Variants in GTF2H4 observed in about 807,000 individuals in gnomAD.
GTF2H4 encodes the protein general transcription factor IIH subunit 4.
GTF2H4 carries 49 observed loss-of-function variants against 62.2 expected under a neutral mutation model. The ratio of observed to expected loss-of-function variants is 0.79; its 90% confidence interval spans 0.63 to 1.00. The LOEUF (loss-of-function observed/expected upper bound fraction) is 1.00, where lower values mean the gene tolerates loss of function less well. Ranked by LOEUF, GTF2H4 falls within the 50% of genes least tolerant of loss-of-function variation. The pLI, the probability that GTF2H4 is intolerant of heterozygous loss-of-function variation, is 0.00. For missense variants in GTF2H4, 479 were observed against 587.8 expected, an observed-to-expected ratio of 0.81 and a Z score of 1.91; for synonymous variants, 189 against 233.8, an observed-to-expected ratio of 0.81 and a Z score of 1.75.
Position 30,913,739 on chromosome 6 carries a change from G to C in GTF2H4, c.1217-72G>C. The C allele has an allele frequency of 2.2e-6, 3 of 1,389,476 alleles. No homozygotes were observed. The highest frequency in any genetic ancestry group is 2.9e-6 in the Non-Finnish European group (3 of 1,039,086). 86.1% of individuals were successfully genotyped at this position (1,389,476 alleles called of 1,614,324 possible). A position where few individuals can be genotyped will look rare whatever the true frequency, so the allele number is the denominator to read the frequency against. On this transcript the variant is annotated intron_variant, in intron 13 of 13. Transcript: ENST00000259895. The surrounding 1 kb of genome is among the most constrained non-coding windows in gnomAD (Gnocchi z 4.2). Reference sequence around the variant, plus strand: ...AGGGCTGCCACCAAGGAGCTGGGGGGATTCCCAATAGGAGCTCCGAGCTTC... The same window carrying C: ...AGGGCTGCCACCAAGGAGCTGGGGGCATTCCCAATAGGAGCTCCGAGCTTC...
Position 30,909,806 on chromosome 6 carries a change from A to C in GTF2H4, c.243-126A>C, listed in dbSNP as rs973684400. On this transcript the variant is annotated intron_variant, in intron 3 of 13. Transcript: ENST00000259895. This position sits in a 1 kb window ranked among gnomAD's most constrained non-coding sequence, Gnocchi z 4.3. Reference sequence around the variant, plus strand: ...AGTAAAGAATTTGTCTTAGGAAGATACTAATTTCACTCTGTGGAACAGTGT... The same window carrying C: ...AGTAAAGAATTTGTCTTAGGAAGATCCTAATTTCACTCTGTGGAACAGTGT... 23 of 892,288 alleles carry C rather than the reference A, an allele frequency of 2.6e-5. No homozygotes were observed. The South Asian group carries it at 3.1e-4, about 12-fold the overall frequency. The allele number at this position is 892,288 out of a possible 1,614,324, so 55.3% of individuals were successfully genotyped here. A position where few individuals can be genotyped will look rare whatever the true frequency, so the allele number is the denominator to read the frequency against.
rs1562441269 is a variant in GTF2H4 at position 30,913,250 on chromosome 6, G to A, written c.1138-59G>A. 2 of 1,612,368 alleles carry A rather than the reference G, an allele frequency of 1.2e-6. No individual in the cohort carries two copies. The highest frequency in any genetic ancestry group is 1.1e-5 in the South Asian group (1 of 91,014). On this transcript the variant is annotated intron_variant, in intron 12 of 13. Coordinates refer to ENST00000259895, the MANE Select transcript of GTF2H4 (RefSeq NM_001517.5). This position sits in a 1 kb window ranked among gnomAD's most constrained non-coding sequence, Gnocchi z 4.2. Reference sequence around the variant, plus strand: ...CATCCAAATCTGGGGAAGAAACAGAGGGCCGGGTTGTCTGGGGCAGTATTC... The same window carrying A: ...CATCCAAATCTGGGGAAGAAACAGAAGGCCGGGTTGTCTGGGGCAGTATTC...
In GTF2H4 at chr6:30,912,087, CTG is replaced by C; in HGVS notation, c.902_903del (p.Val301AlafsTer32). On this transcript the variant is annotated frameshift_variant, in exon 10 of 14. Transcript: ENST00000259895. LOFTEE classifies it high-confidence loss of function. This position sits in a 1 kb window ranked among gnomAD's most constrained non-coding sequence, Gnocchi z 4.8. ...TCAGGTGTCTCTGGAGCTGGGGGCA[CTG>C]TGCATCAGCCAGGTTTCATTGTCGT... 1 of 1,612,944 alleles carries C rather than the reference CTG, an allele frequency of 6.2e-7. No individual in the cohort carries two copies. Among genetic ancestry groups the C allele is most frequent in the Non-Finnish European group, 8.5e-7 (1 of 1,180,010 alleles).
Position 30,910,181 on chromosome 6 carries a change from C to T in GTF2H4, c.374+118C>T, listed in dbSNP as rs1240552164. On this transcript the variant is annotated intron_variant, in intron 4 of 13. Transcript: ENST00000259895. This position sits in a 1 kb window ranked among gnomAD's most constrained non-coding sequence, Gnocchi z 4.7. Reference sequence around the variant, plus strand: ...CCTCCCCAGAACCTTGTGGTCTCCACGTTGGGAACTCCTTTAGGAGTAAGT... The same window carrying T: ...CCTCCCCAGAACCTTGTGGTCTCCATGTTGGGAACTCCTTTAGGAGTAAGT... The T allele has an allele frequency of 1.8e-5, 19 of 1,082,566 alleles. No homozygotes were observed. Among genetic ancestry groups the T allele is most frequent in the African/African-American group, 3.2e-5 (2 of 63,418 alleles). 67.1% of individuals were successfully genotyped at this position (1,082,566 alleles called of 1,614,324 possible). A position where few individuals can be genotyped will look rare whatever the true frequency, so the allele number is the denominator to read the frequency against.
At position 30,909,026 on chromosome 6, in the gene GTF2H4, T is replaced by C. The variant is rs1215545025; in HGVS notation, c.-3-8T>C. On this transcript the variant is annotated splice_polypyrimidine_tract_variant and splice_region_variant and intron_variant, in intron 1 of 13. Coordinates refer to ENST00000259895, the MANE Select transcript of GTF2H4 (RefSeq NM_001517.5). This position sits in a 1 kb window ranked among gnomAD's most constrained non-coding sequence, Gnocchi z 4.3. Reference sequence around the variant, plus strand: ...TGAGGTTGCACTTCTGACGTTTGCATTCCTCAGGTGATGGAGAGCACCCCT... The same window carrying C: ...TGAGGTTGCACTTCTGACGTTTGCACTCCTCAGGTGATGGAGAGCACCCCT... 3.1e-6 allele frequency: 5 copies of C among 1,613,982 alleles called. No homozygotes were observed. The highest frequency in any genetic ancestry group is 3.4e-6 in the Non-Finnish European group (4 of 1,179,958).
Position 30,913,953 on chromosome 6 carries a change from C to G in GTF2H4, c.1359C>G (p.Arg453=). 1 of 1,599,918 alleles carries G rather than the reference C, an allele frequency of 6.3e-7. No homozygotes were observed. Among genetic ancestry groups the G allele is most frequent in the Non-Finnish European group, 8.5e-7 (1 of 1,173,408 alleles). ...VTPAGHSDVK[R]FWKRQKHSS ...CGGCCGGGCACAGCGACGTCAAGCGCTTTTGGAAGCGGCAGAAACATAGCT... is the reference window on the plus strand; with the variant it reads ...CGGCCGGGCACAGCGACGTCAAGCGGTTTTGGAAGCGGCAGAAACATAGCT... Residue 453 remains arginine, a synonymous_variant, in exon 14 of 14, where the codon CGC becomes CGG. Coordinates refer to ENST00000259895, the MANE Select transcript of GTF2H4 (RefSeq NM_001517.5). The surrounding 1 kb of genome is among the most constrained non-coding windows in gnomAD (Gnocchi z 4.2).
chr6:30,913,810 G>A lies in GTF2H4; in HGVS notation c.1217-1G>A. On this transcript the variant is annotated splice_acceptor_variant, in intron 13 of 13. Coordinates refer to ENST00000259895, the MANE Select transcript of GTF2H4 (RefSeq NM_001517.5). LOFTEE classifies it high-confidence loss of function. The surrounding 1 kb of genome is among the most constrained non-coding windows in gnomAD (Gnocchi z 4.2). ...CGCCCCTCCCGTCCTGCCGACCCCA[G>A]GTGTCCTGTATAACCAGTTCCTGTC... 1 of 1,559,178 alleles carries A rather than the reference G, an allele frequency of 6.4e-7. No homozygotes were observed. The highest frequency in any genetic ancestry group is 1.9e-5 in the Admixed American group (1 of 53,022).
In GTF2H4 at chr6:30,914,066, G is replaced by GT. The variant is rs1793951869; in HGVS notation, c.*84dup. Reference sequence around the variant, plus strand: ...GAACTCAGGTGTTTTTTATTTACGCGTCAGGGCTTTTCTTGTTTAATAAAG... The same window carrying GT: ...GAACTCAGGTGTTTTTTATTTACGCGTTCAGGGCTTTTCTTGTTTAATAAAG... On this transcript the variant is annotated 3_prime_UTR_variant, in exon 14 of 14. Coordinates refer to ENST00000259895, the MANE Select transcript of GTF2H4 (RefSeq NM_001517.5). 1.5e-6 allele frequency: 2 copies of GT among 1,293,774 alleles called. No individual in the cohort carries two copies. Among genetic ancestry groups the GT allele is most frequent in the African/African-American group, 3.0e-5 (2 of 65,906 alleles). The allele number at this position is 1,293,774 out of a possible 1,614,324, so 80.1% of individuals were successfully genotyped here.
rs1369338019 is a variant in GTF2H4 at position 30,912,290 on chromosome 6, G to A, written c.959-38G>A. ...AAGGGCTTGAGGGAGTCTGGGTGTG[G>A]GGGTGGCCTCCTCATCCTCTTTCTA... On this transcript the variant is annotated intron_variant, in intron 10 of 13. Transcript: ENST00000259895. This position sits in a 1 kb window ranked among gnomAD's most constrained non-coding sequence, Gnocchi z 4.8. 8.1e-6 allele frequency: 13 copies of A among 1,611,182 alleles called. No individual in the cohort carries two copies. The highest frequency in any genetic ancestry group is 1.0e-5 in the Non-Finnish European group (12 of 1,178,914).
chr6:30,909,008 G>A lies in GTF2H4; in HGVS notation c.-3-26G>A. ...TGACACTGGCATGGATGGTGAGGTT[G>A]CACTTCTGACGTTTGCATTCCTCAG... On this transcript the variant is annotated intron_variant, in intron 1 of 13. Coordinates refer to ENST00000259895, the MANE Select transcript of GTF2H4 (RefSeq NM_001517.5). This position sits in a 1 kb window ranked among gnomAD's most constrained non-coding sequence, Gnocchi z 4.3. 1 of 1,613,412 alleles carries A rather than the reference G, an allele frequency of 6.2e-7. No homozygotes were observed.
In GTF2H4 at chr6:30,911,593, G is replaced by A; in HGVS notation, c.742-91G>A. The A allele has an allele frequency of 6.2e-6, 6 of 971,100 alleles. No homozygotes were observed. The highest frequency in any genetic ancestry group is 5.0e-5 in the South Asian group (4 of 79,378). 60.2% of individuals were successfully genotyped at this position (971,100 alleles called of 1,614,324 possible). ...GAGAAGATAAGAATGAAAACAGAAC[G>A]AACAGAGATGGAGAAAGAAAGAATG... On this transcript the variant is annotated intron_variant, in intron 8 of 13. Transcript: ENST00000259895. The surrounding 1 kb of genome is among the most constrained non-coding windows in gnomAD (Gnocchi z 4.3).
At position 30,909,378 on chromosome 6, in the gene GTF2H4, G is replaced by A; in HGVS notation, c.138-57G>A. 1 of 1,282,300 alleles carries A rather than the reference G, an allele frequency of 7.8e-7. No individual in the cohort carries two copies. The highest frequency in any genetic ancestry group is 1.1e-6 in the Non-Finnish European group (1 of 883,584). The allele number at this position is 1,282,300 out of a possible 1,614,324, so 79.4% of individuals were successfully genotyped here. On this transcript the variant is annotated intron_variant, in intron 2 of 13. Coordinates refer to ENST00000259895, the MANE Select transcript of GTF2H4 (RefSeq NM_001517.5). The surrounding 1 kb of genome is among the most constrained non-coding windows in gnomAD (Gnocchi z 4.3). ...GATGTTTGAGAGGTAATTGAGGGCA[G>A]AGATGCAGATACAATGCAGCTTCTG...
At position 30,911,177 on chromosome 6, in the gene GTF2H4, C is replaced by T; in HGVS notation, c.580C>T (p.Pro194Ser). ...LMKSTEPGEP[P>S]CITSAGFQFL... ...CTCTAGTACTGAACCTGGAGAGCCGCCCTGCATTACTTCCGCTGGCTTCCA... is the reference window on the plus strand; with the variant it reads ...CTCTAGTACTGAACCTGGAGAGCCGTCCTGCATTACTTCCGCTGGCTTCCA... The change falls in exon 7 of 14, where the codon CCC becomes TCC. Residue 194 changes from proline to serine, a missense_variant. Coordinates refer to ENST00000259895, the MANE Select transcript of GTF2H4 (RefSeq NM_001517.5). The surrounding 1 kb of genome is among the most constrained non-coding windows in gnomAD (Gnocchi z 4.3). The T allele has an allele frequency of 6.2e-7, 1 of 1,613,454 alleles. No homozygotes were observed. The highest frequency in any genetic ancestry group is 1.3e-5 in the African/African-American group (1 of 75,014).
chr6:30,909,273 T>TG lies in GTF2H4; in HGVS notation c.137+105dup. The stretch of plus-strand genomic sequence containing the variant: ...AGCAGCCTGGAGTCGGGGTGGGGAC[T>TG]GGGGGCAAGGGTTGGAAATTGCTCT... On this transcript the variant is annotated intron_variant, in intron 2 of 13. Coordinates refer to ENST00000259895, the MANE Select transcript of GTF2H4 (RefSeq NM_001517.5). The surrounding 1 kb of genome is among the most constrained non-coding windows in gnomAD (Gnocchi z 4.3). 1 of 1,432,086 alleles carries TG rather than the reference T, an allele frequency of 7.0e-7. No homozygotes were observed. Among genetic ancestry groups the TG allele is most frequent in the Non-Finnish European group, 9.4e-7 (1 of 1,060,866 alleles). The allele number at this position is 1,432,086 out of a possible 1,614,324, so 88.7% of individuals were successfully genotyped here.
chr6:30,912,115 G>A lies in GTF2H4; in HGVS notation c.927G>A (p.Val309=). The A allele has an allele frequency of 6.2e-7, 1 of 1,612,918 alleles. No individual in the cohort carries two copies. The highest frequency in any genetic ancestry group is 8.5e-7 in the Non-Finnish European group (1 of 1,180,000). Residue 309 remains valine, a synonymous_variant, in exon 10 of 14, where the codon GTG becomes GTA. Coordinates refer to ENST00000259895, the MANE Select transcript of GTF2H4 (RefSeq NM_001517.5). The surrounding 1 kb of genome is among the most constrained non-coding windows in gnomAD (Gnocchi z 4.8). ...TGCATCAGCCAGGTTTCATTGTCGT[G>A]GAAACCAATTACCGACTGTATGCCT... is the stretch of plus-strand genomic sequence containing the variant. The part of the protein sequence containing the change: ...GTVHQPGFIV[V]ETNYRLYAYT...
Position 30,911,832 on chromosome 6 carries a change from A to G in GTF2H4, c.825+65A>G. 6.7e-7 allele frequency: 1 copy of G among 1,488,526 alleles called. No individual in the cohort carries two copies. The highest frequency in any genetic ancestry group is 9.4e-7 in the Non-Finnish European group (1 of 1,068,614). The allele number at this position is 1,488,526 out of a possible 1,614,324, so 92.2% of individuals were successfully genotyped here. A position where few individuals can be genotyped will look rare whatever the true frequency, so the allele number is the denominator to read the frequency against. On this transcript the variant is annotated intron_variant, in intron 9 of 13. Coordinates refer to ENST00000259895, the MANE Select transcript of GTF2H4 (RefSeq NM_001517.5). The surrounding 1 kb of genome is among the most constrained non-coding windows in gnomAD (Gnocchi z 4.3). ...GGGTGGTGTGTTGCCTTTGCCTTTAAAAAGGAGTGGGGTCTTGGGGCAGTA... is the reference window on the plus strand; with the variant it reads ...GGGTGGTGTGTTGCCTTTGCCTTTAGAAAGGAGTGGGGTCTTGGGGCAGTA...
In GTF2H4 at chr6:30,912,545, T is replaced by C; in HGVS notation, c.1089+87T>C. On this transcript the variant is annotated intron_variant, in intron 11 of 13. Transcript: ENST00000259895. This position sits in a 1 kb window ranked among gnomAD's most constrained non-coding sequence, Gnocchi z 4.8. ...GGGTCACATTATGGAAGGCTAGCTC[T>C]GAGTCTGTTATAATAGGTGGTGGTG... 1 of 1,528,460 alleles carries C rather than the reference T, an allele frequency of 6.5e-7. No individual in the cohort carries two copies. Among genetic ancestry groups the C allele is most frequent in the Non-Finnish European group, 8.9e-7 (1 of 1,117,896 alleles). 94.7% of individuals were successfully genotyped at this position (1,528,460 alleles called of 1,614,324 possible).
rs770978600 is a variant in GTF2H4 at position 30,910,608 on chromosome 6, G to A, written c.375-57G>A. ...GGCCTCCCAAAGTACAGGGATTACA[G>A]GTGTGAGCCACTGCGCCTGGCCAGG... On this transcript the variant is annotated intron_variant, in intron 4 of 13. Coordinates refer to ENST00000259895, the MANE Select transcript of GTF2H4 (RefSeq NM_001517.5). This position sits in a 1 kb window ranked among gnomAD's most constrained non-coding sequence, Gnocchi z 4.7. 44 of 1,236,652 alleles carry A rather than the reference G, an allele frequency of 3.6e-5. No homozygotes were observed. The highest frequency in any genetic ancestry group is 4.4e-5 in the Non-Finnish European group (37 of 839,364). 76.6% of individuals were successfully genotyped at this position (1,236,652 alleles called of 1,614,324 possible).
Position 30,913,938 on chromosome 6 carries a change from C to T in GTF2H4, c.1344C>T (p.His448=), listed in dbSNP as rs745691584. ...KRLMVVTPAG[H]SDVKRFWKRQ... ...TCATGGTGGTGACCCCGGCCGGGCA[C>T]AGCGACGTCAAGCGCTTTTGGAAGC... Residue 448 remains histidine (H), a synonymous_variant, in exon 14 of 14, where the codon CAC becomes CAT. Coordinates refer to ENST00000259895, the MANE Select transcript of GTF2H4 (RefSeq NM_001517.5). The surrounding 1 kb of genome is among the most constrained non-coding windows in gnomAD (Gnocchi z 4.2). 1 of 1,607,100 alleles carries T rather than the reference C, an allele frequency of 6.2e-7. No individual in the cohort carries two copies. The highest frequency in any genetic ancestry group is 8.5e-7 in the Non-Finnish European group (1 of 1,176,988).
Sources: allele counts gnomAD v4.1 joint callset, GRCh38; gene constraint gnomAD v4.1.1; non-coding constraint Gnocchi (gnomAD v3.1); transcripts MANE v1.5; gene names NCBI Gene and HGNC (gene_info 2026-07-23, HGNC 2026-07-21).